MARCHF1: variants seen among roughly 807,000 people sequenced by gnomAD.
MARCHF1 encodes the protein E3 ubiquitin-protein ligase MARCHF1.
In MARCHF1, 40 loss-of-function variants were observed where a neutral mutation model predicts 54.2. That is an observed-to-expected ratio of 0.74 (90% CI 0.57 to 0.96). The LOEUF is 0.96. Among genes scored for constraint, MARCHF1 ranks in the 40% least tolerant of loss-of-function variants. MARCHF1 has a pLI of 0.00. For synonymous variants in MARCHF1, 236 were observed against 236.3 expected (o/e 1.00, Z 0.01); for missense variants, 586 against 656.5 (o/e 0.89, Z 1.17).
chr4:164,207,373 T>C (rs999986989), intron 1 of MARCHF1, among the ~76,000 whole-genome samples: 3 of 152,232 alleles, frequency 2.0e-5, no homozygotes, highest in Non-Finnish European at 4.4e-5. Context: ...CTTGGAGGCC[T>C]ACTGTGTTAC....
intron 4 of MARCHF1, among the ~76,000 whole-genome samples, chr4:163,717,144 C>G (rs866512045): frequency 9.0e-6 from 1 of 111,178 alleles, no homozygotes; most frequent in Non-Finnish European, 1.8e-5. Context: ...TATCCCTCCC[C>G]CCTCCCCCCA....
rs1443081699 is a variant in MARCHF1 at position 163,936,084 on chromosome 4, A to C, written c.-39+52417T>G. Among the ~76,000 whole-genome samples the C allele has an allele frequency of 5.3e-5, 8 of 152,260 alleles. No homozygotes were observed. In the East Asian group the frequency reaches 1.2e-3, roughly 22 times the overall value. On this transcript the variant is annotated intron_variant, in intron 3 of 9. Transcript: ENST00000514618. ...GTGTATCAGAGAATAGGAAGGTCCG[A>C]GGACAGGGAGAGAGACAGGGGAAGG...
intron 1 of MARCHF1, chr4:164,196,862 A>T: frequency 1.0e-6 from 1 of 971,048 alleles, no homozygotes. Context: ...TTCCCACAGC[A>T]ATGTTACAAT....
chr4:164,151,364 T>G (rs1028085829), intron 1 of MARCHF1, among the ~76,000 whole-genome samples: 68 of 152,308 alleles, frequency 4.5e-4, no homozygotes, highest in African/African-American at 1.6e-3. Context: ...GTGCCATCAG[T>G]TGAGTGGTGA....
chr4:164,340,916 CAAAA>C (rs35543676), intron 1 of MARCHF1, among the ~76,000 whole-genome samples: 1 of 96,318 alleles, frequency 1.0e-5, no homozygotes. Flanking sequence ...GAGGGCACTA[CAAAA>C]AAAAAAAAAA....
At chr4:163,655,387 G>A (rs1367061434) in intron 5 of MARCHF1, among the ~76,000 whole-genome samples, 1 of 151,472 alleles carries the variant, frequency 6.6e-6, no homozygotes, top group Non-Finnish European at 1.5e-5. Flanking sequence ...CTAAATACAG[G>A]AGCACCCAGA....
chr4:164,009,239 T>C (rs1381091406), intron 2 of MARCHF1, among the ~76,000 whole-genome samples: 1 of 151,952 alleles, frequency 6.6e-6, no homozygotes, highest in Non-Finnish European at 1.5e-5. Context: ...ACTACGAAGA[T>C]TGAACCCTGA....
chr4:163,979,023 T>C (rs1000282253), intron 3 of MARCHF1, among the ~76,000 whole-genome samples: 1 of 150,156 alleles, frequency 6.7e-6, no homozygotes, highest in African/African-American at 2.5e-5. Flanking sequence ...TTAATTCTTT[T>C]TTTTTTTTTT....
intron 2 of MARCHF1, among the ~76,000 whole-genome samples, chr4:163,992,431 A>G (rs188501071): frequency 6.6e-6 from 1 of 152,218 alleles, no homozygotes; most frequent in East Asian, 1.9e-4. Flanking sequence ...TAAATATCAA[A>G]GAAGCTTTGA....
intron 3 of MARCHF1, among the ~76,000 whole-genome samples, chr4:163,899,779 C>T (rs1579377653): frequency 6.6e-6 from 1 of 151,902 alleles, no homozygotes; most frequent in South Asian, 2.1e-4. Context: ...CACACACACA[C>T]ACACACACAC....
intron 2 of MARCHF1, among the ~76,000 whole-genome samples, chr4:164,033,573 T>G (rs2110999089): frequency 6.6e-6 from 1 of 151,928 alleles, no homozygotes; most frequent in Admixed American, 6.6e-5. Flanking sequence ...TTAAACAAAT[T>G]TACACAAAAA....
intron 4 of MARCHF1, among the ~76,000 whole-genome samples, chr4:163,730,358 T>A (rs181650112): frequency 2.4e-4 from 36 of 152,274 alleles, no homozygotes; most frequent in African/African-American, 8.2e-4. Flanking sequence ...TCTTTTAAAG[T>A]CTTTGTCTGG....
chr4:163,993,844 A>G (rs1430574964), intron 2 of MARCHF1, among the ~76,000 whole-genome samples: 2 of 152,158 alleles, frequency 1.3e-5, no homozygotes, highest in Non-Finnish European at 1.5e-5. Flanking sequence ...GTACAGGGGT[A>G]TTAATAATTA....
intron 1 of MARCHF1, among the ~76,000 whole-genome samples, chr4:164,362,598 A>G (rs868385719): frequency 6.6e-6 from 1 of 152,136 alleles, no homozygotes; most frequent in South Asian, 2.1e-4. Flanking sequence ...GCATAAACCA[A>G]ACTAATAACT....
chr4:163,562,541 C>G (rs775131694), intron 8 of MARCHF1, among the ~76,000 whole-genome samples: 4 of 152,062 alleles, frequency 2.6e-5, no homozygotes, highest in Non-Finnish European at 5.9e-5. Context: ...TCTACTTGCC[C>G]CTGCCCCTCA....
chr4:164,153,338 C>T (rs927771588), intron 1 of MARCHF1, among the ~76,000 whole-genome samples: 1 of 152,000 alleles, frequency 6.6e-6, no homozygotes, highest in Non-Finnish European at 1.5e-5. Context: ...AACAAGAAAA[C>T]TTTGTAACAC....
At chr4:163,669,774 T>C (rs980535356) in intron 5 of MARCHF1, among the ~76,000 whole-genome samples, 12 of 152,054 alleles carry the variant, frequency 7.9e-5, no homozygotes, top group African/African-American at 2.9e-4. Flanking sequence ...AATTTTTGTA[T>C]TTTTAGTAGA....
intron 4 of MARCHF1, among the ~76,000 whole-genome samples, chr4:163,794,502 C>T (rs976246651): frequency 9.9e-5 from 15 of 152,228 alleles, no homozygotes; most frequent in Non-Finnish European, 1.9e-4. Context: ...TCTCTAAAAA[C>T]TTACAAATAC....
At chr4:164,107,168 T>A (rs926923008) in intron 2 of MARCHF1, among the ~76,000 whole-genome samples, 4 of 152,182 alleles carry the variant, frequency 2.6e-5, no homozygotes, top group African/African-American at 9.7e-5. Context: ...GATAAAAAAA[T>A]TATCTAATTT....
Sources: gnomAD v4.1 joint callset for allele counts (sites outside exome capture counted in the v4.1 genomes callset) on GRCh38, gnomAD v4.1.1 for gene constraint, MANE v1.5 for transcripts, NCBI Gene and HGNC (gene_info 2026-07-23, HGNC 2026-07-21) for gene names.